Variants in KHDRBS2 observed in about 807,000 individuals in gnomAD.
KHDRBS2 encodes the protein KH RNA binding domain containing, signal transduction associated 2, also known as KH domain-containing, RNA-binding, signal transduction-associated protein 2.
KHDRBS2 carries 26 observed loss-of-function variants against 44.3 expected under a neutral mutation model. That is an observed-to-expected ratio of 0.59 (90% confidence interval 0.43 to 0.81). KHDRBS2 has a LOEUF of 0.81. KHDRBS2 is among the 40% of genes least tolerant of loss of function. The probability of loss-of-function intolerance (pLI) is 0.00; values close to 1 mark genes in which losing one functional copy is unlikely to be tolerated. For missense variants in KHDRBS2, 476 were observed against 433.1 expected, an observed-to-expected ratio of 1.10 and a Z score of -0.88; for synonymous variants, 194 against 151.1, an observed-to-expected ratio of 1.28 and a Z score of -2.08.
At chr6:62,060,928 T>C in intron 2 of KHDRBS2, among the ~76,000 whole-genome samples, 1 of 151,932 alleles carries the variant, frequency 6.6e-6, no homozygotes, top group South Asian at 2.1e-4. Context: ...TATTATACTT[T>C]ACAGAATGAT....
intron 2 of KHDRBS2, among the ~76,000 whole-genome samples, chr6:62,157,878 C>T (rs1434961001): frequency 6.6e-6 from 1 of 152,150 alleles, no homozygotes; most frequent in East Asian, 1.9e-4. Flanking sequence ...TAGCTTCCCC[C>T]TTTTCTTCAA....
chr6:62,046,249 C>A (rs986035673), intron 3 of KHDRBS2, among the ~76,000 whole-genome samples: 3 of 151,728 alleles, frequency 2.0e-5, no homozygotes, highest in African/African-American at 7.3e-5. Context: ...CAGGGAAAAA[C>A]AAATTTAGTT....
intron 3 of KHDRBS2, among the ~76,000 whole-genome samples, chr6:61,983,199 A>T (rs1309118): frequency 2.4e-5 from 3 of 124,938 alleles, no homozygotes; most frequent in Non-Finnish European, 5.1e-5. Context: ...AGTTTTTTTC[A>T]TTTTCTTTCT....
At chr6:61,725,172 C>T (rs1036037261) in intron 7 of KHDRBS2, among the ~76,000 whole-genome samples, 4 of 152,098 alleles carry the variant, frequency 2.6e-5, no homozygotes. Context: ...CACACAACTA[C>T]ATGGAAATTG....
At chr6:61,990,400 A>G (rs1415068500) in intron 3 of KHDRBS2, among the ~76,000 whole-genome samples, 5 of 152,204 alleles carry the variant, frequency 3.3e-5, no homozygotes, top group Non-Finnish European at 7.3e-5. Flanking sequence ...AAATAACAAA[A>G]ATGAATAATG....
At chr6:61,844,909 T>G (rs539501235) in intron 6 of KHDRBS2, among the ~76,000 whole-genome samples, 1 of 152,228 alleles carries the variant, frequency 6.6e-6, no homozygotes, top group African/African-American at 2.4e-5. Context: ...TCAGTTAATA[T>G]TCGCTGAATT....
At chr6:62,265,735 G>A (rs1250896893) in intron 1 of KHDRBS2, among the ~76,000 whole-genome samples, 1 of 151,784 alleles carries the variant, frequency 6.6e-6, no homozygotes, top group African/African-American at 2.4e-5. Context: ...TTCATTGCAG[G>A]CTTTTAGCTC....
intron 6 of KHDRBS2, among the ~76,000 whole-genome samples, chr6:61,804,463 G>A (rs1786805636): frequency 6.6e-6 from 1 of 152,112 alleles, no homozygotes; most frequent in Non-Finnish European, 1.5e-5. Context: ...GGGGTCCTGA[G>A]GACAGTCGCC....
At chr6:61,817,920 T>A (rs1615528) in intron 6 of KHDRBS2, among the ~76,000 whole-genome samples, 1 of 151,854 alleles carries the variant, frequency 6.6e-6, no homozygotes, top group African/African-American at 2.4e-5. Context: ...AATTAGAGTG[T>A]TGATATGCCT....
chr6:62,162,461 A>G (rs538877339), intron 2 of KHDRBS2, among the ~76,000 whole-genome samples: 2 of 152,076 alleles, frequency 1.3e-5, no homozygotes, highest in Non-Finnish European at 2.9e-5. Context: ...CCTATTAAGT[A>G]TACCTGTGTG....
chr6:61,648,958 A>G, the KHDRBS2 span, among the ~76,000 whole-genome samples: 1 of 152,078 alleles, frequency 6.6e-6, no homozygotes, highest in Admixed American at 6.6e-5. Flanking sequence ...ATCCAGATAG[A>G]TATCTCCAGG....
At chr6:61,976,665 T>C (rs1772738582) in intron 4 of KHDRBS2, among the ~76,000 whole-genome samples, 1 of 152,202 alleles carries the variant, frequency 6.6e-6, no homozygotes, top group South Asian at 2.1e-4. Flanking sequence ...TCAATGATAA[T>C]TATCTTCATT....
At chr6:61,582,097 G>A in the KHDRBS2 span, among the ~76,000 whole-genome samples, 1 of 151,698 alleles carries the variant, frequency 6.6e-6, no homozygotes, top group Non-Finnish European at 1.5e-5. Flanking sequence ...TTTTGGAATA[G>A]TAGTAAAGTT....
chr6:62,057,284 C>T (rs1790512130), intron 2 of KHDRBS2, among the ~76,000 whole-genome samples: 1 of 151,870 alleles, frequency 6.6e-6, no homozygotes, highest in South Asian at 2.1e-4. Flanking sequence ...GGAGACAACA[C>T]TCTGGAAAGG....
chr6:62,256,772 T>C (rs1837453065), intron 1 of KHDRBS2, among the ~76,000 whole-genome samples: 1 of 152,124 alleles, frequency 6.6e-6, no homozygotes, highest in South Asian at 2.1e-4. Context: ...TTTCTGTAAA[T>C]GCAGGTTACA....
intron 3 of KHDRBS2, among the ~76,000 whole-genome samples, chr6:62,010,074 T>C (rs1179500439): frequency 6.6e-6 from 1 of 152,110 alleles, no homozygotes; most frequent in Non-Finnish European, 1.5e-5. Flanking sequence ...AGACACTCAA[T>C]GCCAGCCCAT....
intron 1 of KHDRBS2, among the ~76,000 whole-genome samples, chr6:62,239,644 T>C (rs1442017253): frequency 6.6e-6 from 1 of 152,186 alleles, no homozygotes; most frequent in Admixed American, 6.6e-5. Context: ...GGGCATACTG[T>C]CAGTTTAGAT....
At chr6:61,793,723 G>A (rs1476685639) in intron 6 of KHDRBS2, among the ~76,000 whole-genome samples, 1 of 151,926 alleles carries the variant, frequency 6.6e-6, no homozygotes. Context: ...ATATAAACCT[G>A]CTTTGCAAAT....
chr6:62,206,598 T>C (rs907182930), intron 1 of KHDRBS2, among the ~76,000 whole-genome samples: 3 of 152,068 alleles, frequency 2.0e-5, no homozygotes, highest in African/African-American at 4.8e-5. Context: ...CTTATAAATA[T>C]AGAAATAAAA....
Sources: gnomAD v4.1 joint callset for allele counts (sites outside exome capture counted in the v4.1 genomes callset) on GRCh38, gnomAD v4.1.1 for gene constraint, MANE v1.5 for transcripts, NCBI Gene and HGNC (gene_info 2026-07-23, HGNC 2026-07-21) for gene names.